Variants in PLS3 observed in about 807,000 individuals in gnomAD.
PLS3 encodes the protein plastin 3.
A neutral mutation model predicts 46.5 loss-of-function variants in PLS3; 11 were observed. The observed-to-expected ratio is 0.24, with a 90% CI of 0.15 to 0.39. The LOEUF (loss-of-function observed/expected upper bound fraction) is 0.39. Ranked by LOEUF, PLS3 falls within the 10% of genes least tolerant of loss-of-function variation. The pLI, the probability that PLS3 is intolerant of heterozygous loss-of-function variation, is 1.00. For missense variants in PLS3, 308 were observed against 461.8 expected (o/e 0.67, Z 3.05); for synonymous variants, 167 against 162.2 (o/e 1.03, Z -0.22).
intron 4 of PLS3, 52 bp from the exon 5 acceptor site, chrX:115,629,776 GTCAAATA>G: frequency 1.3e-6 from 1 of 771,900 alleles, no homozygotes; most frequent in East Asian, 3.3e-5. Flanking sequence ...AGGCTTTGGA[GTCAAATA>G]TTTAATAAGT....
At chrX:115,587,329 A>G (rs782202211) in intron 1 of PLS3, among the ~76,000 whole-genome samples, 12 of 112,777 alleles carry the variant, frequency 1.1e-4, no homozygotes, top group Non-Finnish European at 2.1e-4. Context: ...GTGTGATGAG[A>G]TAAGACATAC....
intron 1 of PLS3, among the ~76,000 whole-genome samples, chrX:115,604,984 A>G (rs2074477234): frequency 1.8e-5 from 2 of 111,896 alleles, no homozygotes; most frequent in African/African-American, 6.5e-5. Context: ...ACTTTATTTT[A>G]AGCTTCAAAT....
intron 4 of PLS3, 135 bp downstream of exon 4, chrX:115,629,462 G>A: frequency 1.9e-6 from 1 of 538,750 alleles, no homozygotes; most frequent in Middle Eastern, 3.4e-4. Flanking sequence ...ATGTATTTAG[G>A]CTTGAGACTA....
intron 9 of PLS3, among the ~76,000 whole-genome samples, chrX:115,642,038 C>CT (rs782288958): frequency 0.17 from 11,446 of 65,671 alleles, 1,375 homozygotes; most frequent in East Asian, 0.35. Context: ...TCTTTAGGGT[C>CT]TTTTTTTTTT....
rs781951773 is a variant in PLS3 at position 115,631,032 on chromosome X, A to T, written c.500+1065A>T. On this transcript the variant is annotated intron_variant, in intron 5 of 15. Coordinates refer to ENST00000355899, the MANE Select transcript of PLS3 (RefSeq NM_005032.7). ...AGTATATATTATACATATATGTTAT[A>T]TATAATATAACATTATATATATATA... 4.8e-3 allele frequency among the ~76,000 whole-genome samples: 447 copies of T among 93,992 alleles called. 7 individuals are homozygous for T. The highest frequency in any genetic ancestry group is 0.019 in the African/African-American group (436 of 22,915). 81.6% of individuals were successfully genotyped at this position (93,992 alleles called of 115,157 possible). A position where few individuals can be genotyped will look rare whatever the true frequency, so the allele number is the denominator to read the frequency against.
At chrX:115,595,649 A>G (rs2074380069) in intron 1 of PLS3, among the ~76,000 whole-genome samples, 1 of 107,275 alleles carries the variant, frequency 9.3e-6, no homozygotes, top group South Asian at 4.1e-4. Context: ...AAATGTTAGT[A>G]GACCTTTAGT....
At chrX:115,568,805 A>T (rs1556630384) in intron 1 of PLS3, among the ~76,000 whole-genome samples, 3 of 112,386 alleles carry the variant, frequency 2.7e-5, no homozygotes, top group Non-Finnish European at 5.6e-5. Context: ...AGGCCAAGGC[A>T]GGCAGATCAC....
chrX:115,582,520 TAAAC>T (rs2074284889), intron 1 of PLS3, among the ~76,000 whole-genome samples: 1 of 111,841 alleles, frequency 8.9e-6, no homozygotes, highest in Admixed American at 9.5e-5. Context: ...TAAAACAAAA[TAAAC>T]AAATTTTGTA....
At chrX:115,609,888 T>C (rs1462663994) in intron 1 of PLS3, among the ~76,000 whole-genome samples, 1 of 112,283 alleles carries the variant, frequency 8.9e-6, no homozygotes, top group Non-Finnish European at 1.9e-5. Context: ...CCGTGAATCA[T>C]TGGTCACATA....
intron 8 of PLS3, among the ~76,000 whole-genome samples, chrX:115,638,104 C>T (rs1181423580): frequency 1.0e-5 from 1 of 97,591 alleles, no homozygotes; most frequent in Non-Finnish European, 2.0e-5. Flanking sequence ...ACCACCAAGC[C>T]CGATTGATTT....
At chrX:115,644,218 A>T (rs1438929479) in intron 10 of PLS3, among the ~76,000 whole-genome samples, 1 of 110,780 alleles carries the variant, frequency 9.0e-6, no homozygotes, top group East Asian at 2.8e-4. Context: ...AACAAATGAT[A>T]ATATATACTA....
intron 1 of PLS3, among the ~76,000 whole-genome samples, chrX:115,566,771 C>T (rs1556630171): frequency 9.0e-6 from 1 of 110,781 alleles, no homozygotes; most frequent in African/African-American, 3.3e-5. Context: ...CCTCTGCCTC[C>T]GGGTTCAAGT....
intron 1 of PLS3, among the ~76,000 whole-genome samples, chrX:115,588,570 G>T (rs1422873839): frequency 9.0e-6 from 1 of 111,619 alleles, no homozygotes; most frequent in Non-Finnish European, 1.9e-5. Context: ...TTTCGTAGTC[G>T]CAATTTTTGA....
chrX:115,602,696 TGTCCCCTC>T (rs1365662350), intron 1 of PLS3, among the ~76,000 whole-genome samples: 1 of 111,541 alleles, frequency 9.0e-6, no homozygotes, highest in Non-Finnish European at 1.9e-5. Context: ...TTCCATGTTT[TGTCCCCTC>T]TTTGTTGCTT....
intron 1 of PLS3, among the ~76,000 whole-genome samples, chrX:115,562,023 C>T (rs1556629638): frequency 2.7e-5 from 3 of 110,729 alleles, no homozygotes; most frequent in African/African-American, 9.9e-5. Context: ...TTTTCAGCTC[C>T]TTTGACTTTG....
intron 6 of PLS3, 152 bp from the exon 7 acceptor site, chrX:115,634,729 C>A: frequency 2.0e-6 from 1 of 508,975 alleles, no homozygotes; most frequent in Non-Finnish European, 3.1e-6. Context: ...TAACACAAAA[C>A]TCTGGAATTT....
intron 2 of PLS3, among the ~76,000 whole-genome samples, chrX:115,611,878 T>C (rs1286622978): frequency 9.0e-6 from 1 of 111,730 alleles, no homozygotes; most frequent in East Asian, 2.8e-4. Context: ...AAGGGATCAA[T>C]GAGAAGTTTG....
intron 3 of PLS3, among the ~76,000 whole-genome samples, chrX:115,624,592 A>G (rs782703476): frequency 1.8e-5 from 2 of 112,429 alleles, no homozygotes; most frequent in Non-Finnish European, 3.7e-5. Flanking sequence ...GTGTGTCATT[A>G]TATTAAGGAC....
At chrX:115,646,628 C>G in intron 13 of PLS3, 93 bp downstream of exon 13, 1 of 773,963 alleles carries the variant, frequency 1.3e-6, no homozygotes. Flanking sequence ...ATGTCGATAA[C>G]TACACTTTTG....
Sources: gnomAD v4.1 joint callset for allele counts (sites outside exome capture counted in the v4.1 genomes callset) on GRCh38, gnomAD v4.1.1 for gene constraint, MANE v1.5 for transcripts, NCBI Gene and HGNC (gene_info 2026-07-23, HGNC 2026-07-21) for gene names.